CD99L2: variants seen among roughly 807,000 people sequenced by gnomAD.
CD99L2 encodes the protein CD99 molecule like 2.
CD99L2 carries 24 observed loss-of-function variants against 27.3 expected under a neutral mutation model. That is an observed-to-expected ratio of 0.88 (90% CI 0.64 to 1.24). The LOEUF is 1.24. Ranked by LOEUF, CD99L2 falls within the 50% of genes most tolerant of loss-of-function variation. CD99L2 has a pLI of 0.00. For synonymous variants in CD99L2, 97 were observed against 87.9 expected (o/e 1.10, Z -0.58); for missense variants, 255 against 221.6 (o/e 1.15, Z -0.96).
chrX:150,853,430 C>T (rs1346377811), intron 1 of CD99L2, among the ~76,000 whole-genome samples: 1 of 111,037 alleles, frequency 9.0e-6, no homozygotes, highest in Non-Finnish European at 1.9e-5. Flanking sequence ...ACCTCAGTTT[C>T]CTTGCCTGTA....
At chrX:150,809,716 G>A (rs1265112462) in intron 4 of CD99L2, among the ~76,000 whole-genome samples, 1 of 111,897 alleles carries the variant, frequency 8.9e-6, no homozygotes, top group Non-Finnish European at 1.9e-5. Flanking sequence ...AATGGGGAAA[G>A]GTCACTGATG....
intron 4 of CD99L2, among the ~76,000 whole-genome samples, chrX:150,813,846 T>C (rs1038561132): frequency 2.8e-4 from 31 of 112,305 alleles, no homozygotes; most frequent in African/African-American, 8.4e-4. Flanking sequence ...AACTATGGTT[T>C]TGCCAACTTT....
At chrX:150,889,746 G>A (rs1211866884) in intron 1 of CD99L2, among the ~76,000 whole-genome samples, 1 of 112,821 alleles carries the variant, frequency 8.9e-6, no homozygotes, top group Non-Finnish European at 1.9e-5. Flanking sequence ...AGAACGTTCT[G>A]ACATCTTGTG....
At chrX:150,862,093 G>C (rs1431286833) in intron 1 of CD99L2, among the ~76,000 whole-genome samples, 1 of 111,633 alleles carries the variant, frequency 9.0e-6, no homozygotes, top group South Asian at 3.7e-4. Context: ...CATAGATGAG[G>C]TCTATTTTCT....
intron 1 of CD99L2, among the ~76,000 whole-genome samples, chrX:150,848,120 C>CA (rs1277135065): frequency 1.9e-5 from 2 of 107,699 alleles, no homozygotes; most frequent in Non-Finnish European, 3.9e-5. Flanking sequence ...GGCCCCCCCC[C>CA]CCTTGTACTA....
At chrX:150,810,762 A>G (rs1046855497) in intron 4 of CD99L2, among the ~76,000 whole-genome samples, 9 of 112,550 alleles carry the variant, frequency 8.0e-5, no homozygotes, top group African/African-American at 2.6e-4. Context: ...GAGAAATGAA[A>G]GAGAGGATAT....
At chrX:150,874,568 G>A (rs2047202221) in intron 1 of CD99L2, among the ~76,000 whole-genome samples, 1 of 108,075 alleles carries the variant, frequency 9.3e-6, no homozygotes, top group African/African-American at 3.4e-5. Flanking sequence ...TGGGGGGCGG[G>A]GGCGGGGGCG....
At chrX:150,866,062 G>A (rs782350653) in intron 1 of CD99L2, among the ~76,000 whole-genome samples, 81 of 112,332 alleles carry the variant, frequency 7.2e-4, no homozygotes, top group African/African-American at 2.3e-3. Context: ...GGTGGAGGCT[G>A]TGGTGAGCCG....
Position 150,768,841 on chromosome X carries a change from C to G in CD99L2, c.*193G>C, listed in dbSNP as rs2043355987. On this transcript the variant is annotated 3_prime_UTR_variant, in exon 11 of 11. Transcript: ENST00000370377. ...AGAGCTGGCTCTTGAATTTCGGCAC[C>G]AAGTCTCAGCACGCTTGGGGCAGGG... 5.3e-6 allele frequency: 5 copies of G among 944,118 alleles called. No homozygotes were observed. In the African/African-American group the frequency reaches 8.2e-5, roughly 15 times the overall value. 77.8% of individuals were successfully genotyped at this position (944,118 alleles called of 1,213,427 possible).
At chrX:150,795,703 T>G (rs782581096) in intron 4 of CD99L2, among the ~76,000 whole-genome samples, 1 of 111,843 alleles carries the variant, frequency 8.9e-6, no homozygotes, top group South Asian at 3.8e-4. Context: ...ATGGGGGTTA[T>G]GAGGCAGACA....
At chrX:150,886,202 C>T (rs1194885513) in intron 1 of CD99L2, among the ~76,000 whole-genome samples, 3 of 112,283 alleles carry the variant, frequency 2.7e-5, no homozygotes, top group Non-Finnish European at 5.6e-5. Flanking sequence ...ACTTTAGTGA[C>T]TCGTGAACAA....
intron 1 of CD99L2, among the ~76,000 whole-genome samples, chrX:150,888,574 CTG>C (rs2047451179): frequency 8.9e-6 from 1 of 112,234 alleles, no homozygotes; most frequent in Non-Finnish European, 1.9e-5. Flanking sequence ...TGCCACTGAA[CTG>C]TGTGCCTTAA....
chrX:150,777,549 C>T (rs782094492), intron 7 of CD99L2, 67 bp from the exon 8 acceptor site: 82 of 1,104,368 alleles, frequency 7.4e-5, no homozygotes, highest in South Asian at 4.2e-4. Flanking sequence ...CGGGCCTCCG[C>T]GAGACGGATG....
intron 9 of CD99L2, among the ~76,000 whole-genome samples, chrX:150,775,651 G>C (rs6627807): frequency 0.31 from 34,863 of 111,498 alleles, 4,131 homozygotes; most frequent in South Asian, 0.49. Flanking sequence ...TGGCTCGTAG[G>C]GGGAAGAGCA....
At chrX:150,770,264 G>C (rs1557418981) in intron 10 of CD99L2, 40 bp downstream of exon 10, 1 of 1,167,365 alleles carries the variant, frequency 8.6e-7, no homozygotes, top group Non-Finnish European at 1.2e-6. Flanking sequence ...GGACCAACTA[G>C]GAAAGCGTCA....
chrX:150,835,138 G>A (rs1336260328), intron 1 of CD99L2, among the ~76,000 whole-genome samples: 1 of 112,044 alleles, frequency 8.9e-6, no homozygotes, highest in Non-Finnish European at 1.9e-5. Context: ...CAAAGTTTCA[G>A]TTAGACAGGA....
chrX:150,856,569 AAATAATAATAAT>A (rs10564205), intron 1 of CD99L2, among the ~76,000 whole-genome samples: 216 of 98,680 alleles, frequency 2.2e-3, no homozygotes, highest in African/African-American at 7.0e-3. Flanking sequence ...AGCCAGGCTA[AAATAATAATAAT>A]AATAATAATA....
chrX:150,827,256 G>A (rs2046380861), intron 2 of CD99L2, among the ~76,000 whole-genome samples: 1 of 111,335 alleles, frequency 9.0e-6, no homozygotes, highest in Non-Finnish European at 1.9e-5. Flanking sequence ...ACCAAGGTGA[G>A]GTGGAGAGGC....
At chrX:150,769,163 C>A in intron 10 of CD99L2, 62 bp from the exon 11 acceptor site, 1 of 1,099,107 alleles carries the variant, frequency 9.1e-7, no homozygotes, top group South Asian at 2.2e-5. Context: ...GAAGCAAATA[C>A]AGCAGCAAGC....
Sources: gnomAD v4.1 joint callset for allele counts (sites outside exome capture counted in the v4.1 genomes callset) on GRCh38, gnomAD v4.1.1 for gene constraint, MANE v1.5 for transcripts, NCBI Gene and HGNC (gene_info 2026-07-23, HGNC 2026-07-21) for gene names.